Variants in SNAP91 observed in about 807,000 individuals in gnomAD.
SNAP91 encodes the protein clathrin coat assembly protein AP180.
Under a neutral mutation model 100.3 loss-of-function variants are expected in SNAP91, and 27 were observed. That is an observed-to-expected ratio of 0.27 (90% CI 0.20 to 0.37). The LOEUF is 0.37. Among genes scored for constraint, SNAP91 ranks in the 10% least tolerant of loss-of-function variants. SNAP91 has a pLI of 1.00. For synonymous variants in SNAP91, 404 were observed against 398.6 expected, an observed-to-expected ratio of 1.01 and a Z score of -0.16; for missense variants, 986 against 1,123.7, an observed-to-expected ratio of 0.88 and a Z score of 1.75.
intron 5 of SNAP91, among the ~76,000 whole-genome samples, chr6:83,660,725 C>G (rs928317470): frequency 6.6e-6 from 1 of 151,260 alleles, no homozygotes; most frequent in Non-Finnish European, 1.5e-5. Context: ...GATCAAAGTT[C>G]AGATTCACCT....
chr6:83,600,299 A>G (rs948042379), intron 16 of SNAP91, among the ~76,000 whole-genome samples: 17 of 152,172 alleles, frequency 1.1e-4, no homozygotes, highest in Non-Finnish European at 2.2e-4. Flanking sequence ...GTGGTAGGTG[A>G]CAGTGTGTTA....
chr6:83,609,974 G>T (rs2095884082), intron 12 of SNAP91, among the ~76,000 whole-genome samples: 2 of 152,008 alleles, frequency 1.3e-5, no homozygotes, highest in African/African-American at 4.8e-5. Flanking sequence ...CCAAACAAAG[G>T]ACTAAATTAC....
At chr6:83,693,332 C>G (rs190371755) in intron 2 of SNAP91, among the ~76,000 whole-genome samples, 1 of 152,184 alleles carries the variant, frequency 6.6e-6, no homozygotes, top group African/African-American at 2.4e-5. Flanking sequence ...GGGCCAGGCA[C>G]AGTAAGTGCT....
At chr6:83,697,269 A>G (rs2099227746) in intron 2 of SNAP91, among the ~76,000 whole-genome samples, 1 of 151,810 alleles carries the variant, frequency 6.6e-6, no homozygotes, top group Non-Finnish European at 1.5e-5. Flanking sequence ...AAATTATAAA[A>G]TGAATATTGA....
chr6:83,553,570 C>T lies in SNAP91; in HGVS notation c.*726G>A, dbSNP rs528082826. ...TAAATAGGTCAATTTAGATGCAAAA[C>T]CTGTCAAATATAATTAAAATATATA... On this transcript the variant is annotated 3_prime_UTR_variant, in exon 30 of 30. Transcript: ENST00000369694. 7.9e-5 allele frequency: 12 copies of T among 151,844 alleles called. No homozygotes were observed. The highest frequency in any genetic ancestry group is 1.5e-4 in the Non-Finnish European group (10 of 67,980). The allele number at this position is 151,844 out of a possible 1,614,324, so 9.4% of individuals were successfully genotyped here. A position where few individuals can be genotyped will look rare whatever the true frequency, so the allele number is the denominator to read the frequency against.
At chr6:83,693,841 T>A (rs2099161359) in intron 2 of SNAP91, among the ~76,000 whole-genome samples, 1 of 152,192 alleles carries the variant, frequency 6.6e-6, no homozygotes, top group Non-Finnish European at 1.5e-5. Flanking sequence ...TGGGTCTATG[T>A]AAATCTAGTG....
intron 2 of SNAP91, among the ~76,000 whole-genome samples, chr6:83,684,318 C>G (rs1203109045): frequency 6.6e-6 from 1 of 152,126 alleles, no homozygotes; most frequent in African/African-American, 2.4e-5. Context: ...ACACAGACCT[C>G]CTGCCACCCA....
At chr6:83,701,541 G>A (rs572737575) in intron 2 of SNAP91, among the ~76,000 whole-genome samples, 12 of 152,068 alleles carry the variant, frequency 7.9e-5, no homozygotes, top group Non-Finnish European at 1.5e-4. Context: ...CCGCCTCTCG[G>A]GTTCAAGCAA....
Position 83,593,605 on chromosome 6 carries a change from A to C in SNAP91, c.1569T>G (p.Pro523=), listed in dbSNP as rs760505129. The change falls in exon 18 of 30, where the codon CCT becomes CCG. Residue 523 remains proline, a synonymous_variant. Transcript: ENST00000369694. The part of the protein sequence containing the change: ...STAPPVPATA[P]SPAPAVAAAA... ...CAGCTGCAACGGCAGGAGCAGGAGA[A>C]GGAGCAGTTGCGGGAACTGGAGGGG... The C allele has an allele frequency of 1.1e-5, 17 of 1,591,972 alleles. No individual in the cohort carries two copies. In the South Asian group the frequency reaches 1.9e-4, roughly 18 times the overall value.
At chr6:83,574,898 T>G in intron 26 of SNAP91, 112 bp downstream of exon 26, 1 of 648,594 alleles carries the variant, frequency 1.5e-6, no homozygotes, top group Non-Finnish European at 2.7e-6. Context: ...ATTTCTTCAA[T>G]GCAGAGGAAT....
intron 2 of SNAP91, among the ~76,000 whole-genome samples, chr6:83,675,289 T>A (rs1185001960): frequency 6.6e-6 from 1 of 152,196 alleles, no homozygotes; most frequent in Non-Finnish European, 1.5e-5. Flanking sequence ...AGAAAGATAA[T>A]GTGAGCTTTA....
intron 3 of SNAP91, 32 bp downstream of exon 3, chr6:83,665,407 C>G (rs1224414532): frequency 6.3e-7 from 1 of 1,598,956 alleles, no homozygotes; most frequent in Admixed American, 1.7e-5. Context: ...CCTCCTTCCT[C>G]CATCAAAAAA....
At chr6:83,685,238 G>A (rs1259139534) in intron 2 of SNAP91, among the ~76,000 whole-genome samples, 3 of 152,110 alleles carry the variant, frequency 2.0e-5, no homozygotes, top group Non-Finnish European at 2.9e-5. Context: ...CTCCCTCTGT[G>A]CCACCCATAA....
intron 2 of SNAP91, among the ~76,000 whole-genome samples, chr6:83,696,689 T>A (rs759356955): frequency 6.6e-6 from 1 of 152,230 alleles, no homozygotes; most frequent in East Asian, 1.9e-4. Context: ...AAGTCTGGGC[T>A]TAAACATCTC....
At chr6:83,683,825 C>A (rs1237104160) in intron 2 of SNAP91, among the ~76,000 whole-genome samples, 4 of 152,128 alleles carry the variant, frequency 2.6e-5, no homozygotes, top group Non-Finnish European at 5.9e-5. Flanking sequence ...GATAATGGTA[C>A]CACCATCCAC....
At chr6:83,646,773 G>A (rs1476461847) in intron 7 of SNAP91, among the ~76,000 whole-genome samples, 3 of 152,142 alleles carry the variant, frequency 2.0e-5, no homozygotes, top group South Asian at 2.1e-4. Context: ...TATAGATCAT[G>A]TTGGAAAGAA....
intron 21 of SNAP91, among the ~76,000 whole-genome samples, 181 bp from the exon 22 acceptor site, chr6:83,591,475 A>G (rs1467280187): frequency 1.3e-5 from 2 of 152,214 alleles, no homozygotes; most frequent in Non-Finnish European, 2.9e-5. Context: ...ATTCTCTCAA[A>G]AAGAGTTCTA....
intron 2 of SNAP91, among the ~76,000 whole-genome samples, chr6:83,692,263 C>G (rs138843311): frequency 6.6e-6 from 1 of 152,142 alleles, no homozygotes. Context: ...GCCTGTAATG[C>G]TAGGACTTTG....
At chr6:83,665,290 T>G in intron 3 of SNAP91, 149 bp downstream of exon 3, 1 of 750,354 alleles carries the variant, frequency 1.3e-6, no homozygotes, top group Non-Finnish European at 2.1e-6. Context: ...AAGGAGAAGA[T>G]TAAACTTGTA....
Sources: allele counts gnomAD v4.1 joint callset (sites outside exome capture counted in the v4.1 genomes callset), GRCh38; gene constraint gnomAD v4.1.1; transcripts MANE v1.5; gene names NCBI Gene and HGNC (gene_info 2026-07-23, HGNC 2026-07-21).